Variants in PIEZO2 observed in about 807,000 individuals in gnomAD.
PIEZO2 encodes piezo type mechanosensitive ion channel component 2.
In PIEZO2, 172 loss-of-function variants were observed where a neutral mutation model predicts 337.3. The observed-to-expected ratio is 0.51, with a 90% CI of 0.45 to 0.58. PIEZO2 has a LOEUF of 0.58. PIEZO2 is among the 20% of genes least tolerant of loss of function. PIEZO2 has a pLI of 0.00. For missense variants in PIEZO2, 3,028 were observed against 3,391.3 expected (o/e 0.89, Z 2.66); for synonymous variants, 1,251 against 1,228.5 (o/e 1.02, Z -0.38).
At chr18:11,065,842 T>A (rs2038129031) in intron 2 of PIEZO2, among the ~76,000 whole-genome samples, 1 of 152,196 alleles carries the variant, frequency 6.6e-6, no homozygotes, top group Non-Finnish European at 1.5e-5. Flanking sequence ...ATACTTTGAG[T>A]TAGTAGTGTT....
rs545288969 is a variant in PIEZO2 at position 10,828,376 on chromosome 18, A to G, written c.918-21102T>C. 1.3e-5 allele frequency among the ~76,000 whole-genome samples: 2 copies of G among 152,322 alleles called. No individual in the cohort carries two copies. Among genetic ancestry groups the G allele is most frequent in the Non-Finnish European group, 1.5e-5 (1 of 68,034 alleles). On this transcript the variant is annotated intron_variant, in intron 7 of 55. Transcript: ENST00000674853. This position sits in a 1 kb window ranked among gnomAD's most constrained non-coding sequence, Gnocchi z 4.1. ...TCAGACAACGAACCTCTTCAGAATG[A>G]GAAATGGAGCTGCTGCCCTGAAGAA...
Position 11,132,610 on chromosome 18 carries a change from G to C in PIEZO2, c.64+15915C>G, listed in dbSNP as rs546025457. ...CTAGTGATCCACTAGCAAAATTTTT[G>C]CTTCCTGTTCCCGTGACATTACGTT... On this transcript the variant is annotated intron_variant, in intron 1 of 55. Coordinates refer to ENST00000674853, the MANE Select transcript of PIEZO2 (RefSeq NM_001378183.1). This position sits in a 1 kb window ranked among gnomAD's most constrained non-coding sequence, Gnocchi z 4.7. 1.3e-5 allele frequency among the ~76,000 whole-genome samples: 2 copies of C among 152,138 alleles called. No homozygotes were observed. The highest frequency in any genetic ancestry group is 6.5e-5 in the Admixed American group (1 of 15,272).
chr18:11,005,346 C>T (rs2145627616), intron 2 of PIEZO2, among the ~76,000 whole-genome samples: 1 of 152,308 alleles, frequency 6.6e-6, no homozygotes. Context: ...CTCTTGTGCC[C>T]AATATAACTT....
At chr18:11,050,660 C>G (rs551115606) in intron 2 of PIEZO2, among the ~76,000 whole-genome samples, 78 of 152,094 alleles carry the variant, frequency 5.1e-4, no homozygotes, top group African/African-American at 1.8e-3. Flanking sequence ...ACTTTGACAA[C>G]AGGTTACAAA....
Position 11,047,378 on chromosome 18 carries a change from C to T in PIEZO2, c.160+18749G>A, listed in dbSNP as rs915175034. On this transcript the variant is annotated intron_variant, in intron 2 of 55. Transcript: ENST00000674853. This position sits in a 1 kb window ranked among gnomAD's most constrained non-coding sequence, Gnocchi z 7.2. ...TGGAATGGAGTAGGAGCGAGGGAGC[C>T]GCGCAGTGCAGCAAAGGCTCCTGCC... Among the ~76,000 whole-genome samples the T allele has an allele frequency of 2.6e-5, 4 of 152,098 alleles. No individual in the cohort carries two copies. Among genetic ancestry groups the T allele is most frequent in the African/African-American group, 4.8e-5 (2 of 41,394 alleles).
In PIEZO2 at chr18:11,025,537, A is replaced by G. The variant is rs141015040; in HGVS notation, c.160+40590T>C. On this transcript the variant is annotated intron_variant, in intron 2 of 55. Coordinates refer to ENST00000674853, the MANE Select transcript of PIEZO2 (RefSeq NM_001378183.1). ...AAGGGCCCGGTGCACTAGCGATCCC[A>G]TTCCATTATCCTGGCGATCTTCTCC... 7.9e-4 allele frequency among the ~76,000 whole-genome samples: 120 copies of G among 152,184 alleles called. 1 individual carries two copies. Among genetic ancestry groups the G allele is most frequent in the South Asian group, 2.9e-3 (14 of 4,816 alleles).
At chr18:11,058,067 G>A (rs886394297) in intron 2 of PIEZO2, among the ~76,000 whole-genome samples, 2 of 152,172 alleles carry the variant, frequency 1.3e-5, no homozygotes, top group African/African-American at 4.8e-5. Flanking sequence ...GTTAAAGACT[G>A]CCCCGGTCTA....
At chr18:11,018,191 A>ATGGTGGTGGTGGTGG (rs759749235) in intron 2 of PIEZO2, among the ~76,000 whole-genome samples, 3 of 143,120 alleles carry the variant, frequency 2.1e-5, no homozygotes, top group Non-Finnish European at 3.1e-5. Flanking sequence ...CAGTCATCGC[A>ATGGTGGTGGTGGTGG]TGGTGGTGGT....
At position 10,973,789 on chromosome 18, in the gene PIEZO2, G is replaced by C. The variant is rs2034334598; in HGVS notation, c.286+5746C>G. Among the ~76,000 whole-genome samples the C allele has an allele frequency of 6.6e-6, 1 of 152,018 alleles. No homozygotes were observed. Among genetic ancestry groups the C allele is most frequent in the South Asian group, 2.1e-4 (1 of 4,832 alleles). On this transcript the variant is annotated intron_variant, in intron 3 of 55. Transcript: ENST00000674853. The surrounding 1 kb of genome is among the most constrained non-coding windows in gnomAD (Gnocchi z 4.9). Reference sequence around the variant, plus strand: ...CAGAAGAAAGCAGGCAGCCAAGAGTGGTTTCAAAAAATGACTCAGAACATG... The same window carrying C: ...CAGAAGAAAGCAGGCAGCCAAGAGTCGTTTCAAAAAATGACTCAGAACATG...
intron 36 of PIEZO2, among the ~76,000 whole-genome samples, chr18:10,718,702 T>G (rs958263088): frequency 1.3e-5 from 2 of 152,288 alleles, no homozygotes; most frequent in South Asian, 2.1e-4. Context: ...ACTTCATGAA[T>G]AGTAAACCTT....
At chr18:10,949,394 G>T (rs1366594396) in intron 3 of PIEZO2, among the ~76,000 whole-genome samples, 1 of 152,158 alleles carries the variant, frequency 6.6e-6, no homozygotes, top group Non-Finnish European at 1.5e-5. Context: ...AAGAGGTTGG[G>T]CTAAAGATCG....
At chr18:10,694,313 G>T (rs1027275380) in intron 47 of PIEZO2, among the ~76,000 whole-genome samples, 1 of 152,104 alleles carries the variant, frequency 6.6e-6, no homozygotes, top group Non-Finnish European at 1.5e-5. Context: ...AAGCAATTTG[G>T]ATTTTCTCAA....
intron 2 of PIEZO2, among the ~76,000 whole-genome samples, chr18:11,034,516 A>G (rs2036855842): frequency 1.3e-5 from 2 of 152,014 alleles, no homozygotes; most frequent in African/African-American, 2.4e-5. Flanking sequence ...GATGGTCTCG[A>G]TCTCCTGACC....
rs1323471465 is a variant in PIEZO2 at position 10,859,559 on chromosome 18, C to A, written c.493-2348G>T. ...TCTCTCCTGCATCACAATGTGCTTT[C>A]TTTCTGCTGGATCACCCCTGTTAAC... On this transcript the variant is annotated intron_variant, in intron 5 of 55. Coordinates refer to ENST00000674853, the MANE Select transcript of PIEZO2 (RefSeq NM_001378183.1). The surrounding 1 kb of genome is among the most constrained non-coding windows in gnomAD (Gnocchi z 4.9). 2.0e-5 allele frequency among the ~76,000 whole-genome samples: 3 copies of A among 152,256 alleles called. No homozygotes were observed. The highest frequency in any genetic ancestry group is 2.9e-5 in the Non-Finnish European group (2 of 68,046).
intron 49 of PIEZO2, among the ~76,000 whole-genome samples, chr18:10,687,744 G>A (rs1225282690): frequency 3.3e-5 from 5 of 152,146 alleles, no homozygotes. Context: ...GCTGCCACGA[G>A]GGGAAGAAGC....
intron 7 of PIEZO2, among the ~76,000 whole-genome samples, chr18:10,814,191 G>T (rs190053343): frequency 4.6e-5 from 7 of 151,912 alleles, no homozygotes; most frequent in East Asian, 3.9e-4. Flanking sequence ...GGATGGTCTT[G>T]ATCTCCTGAC....
At chr18:10,912,987 G>A (rs1338387884) in intron 3 of PIEZO2, among the ~76,000 whole-genome samples, 1 of 151,736 alleles carries the variant, frequency 6.6e-6, no homozygotes, top group African/African-American at 2.4e-5. Context: ...CACAGACTTT[G>A]AGCTAACCAG....
chr18:11,046,466 C>G (rs1319370234), intron 2 of PIEZO2, among the ~76,000 whole-genome samples: 1 of 152,238 alleles, frequency 6.6e-6, no homozygotes, highest in Non-Finnish European at 1.5e-5. Context: ...TCACCTACTG[C>G]ACAGTCAGCT....
At chr18:10,733,959 T>C (rs545385792) in intron 35 of PIEZO2, among the ~76,000 whole-genome samples, 1 of 152,358 alleles carries the variant, frequency 6.6e-6, no homozygotes, top group East Asian at 1.9e-4. Flanking sequence ...GAATATAGGA[T>C]TTGTTTTACT....
Sources: allele counts gnomAD v4.1 joint callset (sites outside exome capture counted in the v4.1 genomes callset), GRCh38; gene constraint gnomAD v4.1.1; non-coding constraint Gnocchi (gnomAD v3.1); transcripts MANE v1.5; gene names NCBI Gene and HGNC (gene_info 2026-07-23, HGNC 2026-07-21).